The following PLCE1 variants were observed in gnomAD, a reference collection of about 807,000 sequenced individuals.
PLCE1 encodes the protein 1-phosphatidylinositol 4,5-bisphosphate phosphodiesterase epsilon-1.
A neutral mutation model predicts 242.8 loss-of-function variants in PLCE1; 119 were observed. The ratio of observed to expected loss-of-function variants is 0.49; its 90% CI spans 0.42 to 0.57. The LOEUF (loss-of-function observed/expected upper bound fraction) is 0.57, where lower values mean the gene tolerates loss of function less well. Among genes scored for constraint, PLCE1 ranks in the 20% least tolerant of loss-of-function variants. The pLI is 0.00. For synonymous variants in PLCE1, 945 were observed against 1,017.4 expected, an observed-to-expected ratio of 0.93 and a Z score of 1.35; for missense variants, 2,441 against 2,788.8, an observed-to-expected ratio of 0.88 and a Z score of 2.81.
At chr10:94,219,754 A>G (rs901566209) in intron 4 of PLCE1, among the ~76,000 whole-genome samples, 4 of 152,236 alleles carry the variant, frequency 2.6e-5, no homozygotes, top group Non-Finnish European at 4.4e-5. Context: ...TTGGATTGTT[A>G]TCTGGATAAG....
At chr10:94,069,727 G>C (rs1441882265) in intron 2 of PLCE1, among the ~76,000 whole-genome samples, 1 of 152,234 alleles carries the variant, frequency 6.6e-6, no homozygotes, top group Non-Finnish European at 1.5e-5. Context: ...AAGAACCACA[G>C]TTCTGGAAGC....
At chr10:94,204,084 G>A (rs1013788898) in intron 4 of PLCE1, among the ~76,000 whole-genome samples, 1 of 152,106 alleles carries the variant, frequency 6.6e-6, no homozygotes, top group South Asian at 2.1e-4. Flanking sequence ...AAAAAATTGG[G>A]GGAAGATTTT....
At chr10:94,158,100 A>G (rs1242533859) in intron 3 of PLCE1, among the ~76,000 whole-genome samples, 1 of 152,156 alleles carries the variant, frequency 6.6e-6, no homozygotes. Flanking sequence ...ATTTATGATG[A>G]TGATTGTTGA....
chr10:94,192,150 T>C (rs2048688416), intron 4 of PLCE1, among the ~76,000 whole-genome samples: 1 of 152,228 alleles, frequency 6.6e-6, no homozygotes, highest in African/African-American at 2.4e-5. Context: ...CTTATCACTT[T>C]TATGGTGAGA....
intron 2 of PLCE1, among the ~76,000 whole-genome samples, chr10:94,083,533 C>A (rs895864315): frequency 6.6e-6 from 1 of 152,166 alleles, no homozygotes; most frequent in Non-Finnish European, 1.5e-5. Context: ...ATGTGATAGA[C>A]CAGAACCTGC....
intron 4 of PLCE1, among the ~76,000 whole-genome samples, chr10:94,183,647 C>T (rs1440240407): frequency 6.6e-6 from 1 of 152,122 alleles, no homozygotes; most frequent in Non-Finnish European, 1.5e-5. Flanking sequence ...TAGAGAGATA[C>T]CTGAGGCTGG....
rs1224547270 is a variant in PLCE1, at chr10:94,018,306, T to C, written c.-364-12377T>C. ...TTCTCTTCCCCCTCGTTGCCAGGCT[T>C]CCGAAATGTGCTATGCTACTTTGAC... On this transcript the variant is annotated intron_variant, in intron 1 of 32. Coordinates refer to ENST00000371380, the MANE Select transcript of PLCE1 (RefSeq NM_016341.4). Among the ~76,000 whole-genome samples, 7 of 152,124 alleles carry C rather than the reference T, an allele frequency of 4.6e-5. No individual in the cohort carries two copies. The East Asian group carries it at 1.4e-3, about 29-fold the overall frequency.
At chr10:94,208,377 C>T (rs2049231118) in intron 4 of PLCE1, among the ~76,000 whole-genome samples, 1 of 152,224 alleles carries the variant, frequency 6.6e-6, no homozygotes, top group South Asian at 2.1e-4. Context: ...AATGTAAGGC[C>T]TGTAATCTTT....
intron 2 of PLCE1, among the ~76,000 whole-genome samples, chr10:94,120,192 C>G (rs1296807607): frequency 1.3e-5 from 2 of 152,208 alleles, no homozygotes; most frequent in Non-Finnish European, 2.9e-5. Flanking sequence ...CCTGCCCTGC[C>G]TAAACTTGGT....
chr10:94,307,703 T>C (rs1320061213), intron 26 of PLCE1, among the ~76,000 whole-genome samples: 4 of 152,104 alleles, frequency 2.6e-5, no homozygotes, highest in Non-Finnish European at 5.9e-5. Flanking sequence ...CCTCTTCTCA[T>C]AAGGACACCA....
At chr10:94,129,908 T>C (rs2046546190) in intron 2 of PLCE1, among the ~76,000 whole-genome samples, 1 of 152,190 alleles carries the variant, frequency 6.6e-6, no homozygotes, top group South Asian at 2.1e-4. Flanking sequence ...GCCTTTCTCA[T>C]TCCCCAGTTA....
intron 16 of PLCE1, among the ~76,000 whole-genome samples, chr10:94,266,183 T>A (rs1355359097): frequency 1.3e-5 from 2 of 152,174 alleles, no homozygotes; most frequent in African/African-American, 4.8e-5. Context: ...TTAACCTTTA[T>A]TCTGGGCCAA....
intron 2 of PLCE1, among the ~76,000 whole-genome samples, chr10:94,111,811 T>G (rs892690505): frequency 6.6e-6 from 1 of 152,224 alleles, no homozygotes; most frequent in African/African-American, 2.4e-5. Flanking sequence ...TGGATATTAT[T>G]TTGGCATTTT....
At chr10:94,021,108 G>A (rs1313394483) in intron 1 of PLCE1, among the ~76,000 whole-genome samples, 2 of 152,150 alleles carry the variant, frequency 1.3e-5, no homozygotes, top group East Asian at 3.8e-4. Flanking sequence ...TGGGATTACA[G>A]GCATGAGCCA....
chr10:94,327,804 T>C (rs961420726), intron 32 of PLCE1, among the ~76,000 whole-genome samples, 164 bp from the exon 33 acceptor site: 2 of 152,206 alleles, frequency 1.3e-5, no homozygotes, highest in African/African-American at 4.8e-5. Flanking sequence ...TTCTACTTCC[T>C]AGAAACATCA....
At chr10:94,184,544 G>A (rs1486063683) in intron 4 of PLCE1, among the ~76,000 whole-genome samples, 1 of 152,094 alleles carries the variant, frequency 6.6e-6, no homozygotes, top group Non-Finnish European at 1.5e-5. Flanking sequence ...TGGCCAGGCT[G>A]GTTTTGAACT....
intron 18 of PLCE1, among the ~76,000 whole-genome samples, chr10:94,271,538 A>G (rs890499912): frequency 6.6e-6 from 1 of 150,986 alleles, no homozygotes; most frequent in East Asian, 2.0e-4. Flanking sequence ...ATGGTCTCGA[A>G]CTCCTGACCT....
At chr10:94,090,135 T>C (rs759760065) in intron 2 of PLCE1, among the ~76,000 whole-genome samples, 10 of 151,936 alleles carry the variant, frequency 6.6e-5, no homozygotes, top group Non-Finnish European at 1.2e-4. Context: ...AGTTTTCTGC[T>C]CACCACCAAC....
chr10:94,327,299 A>C (rs17438706), intron 32 of PLCE1, among the ~76,000 whole-genome samples: 20,433 of 152,090 alleles, frequency 0.13, 1,538 homozygotes, highest in Middle Eastern at 0.26. Flanking sequence ...TAAGAAAAGA[A>C]GTTTAGAGTT....
Sources: allele counts gnomAD v4.1 joint callset (sites outside exome capture counted in the v4.1 genomes callset), GRCh38; gene constraint gnomAD v4.1.1; transcripts MANE v1.5; gene names NCBI Gene and HGNC (gene_info 2026-07-23, HGNC 2026-07-21).